The following AGL variants were observed in gnomAD, a reference collection of about 807,000 sequenced individuals.
The protein encoded by AGL is glycogen debranching enzyme.
A neutral mutation model predicts 199.3 loss-of-function variants in AGL; 128 were observed. That is an observed-to-expected ratio of 0.64 (90% CI 0.56 to 0.74). The LOEUF is 0.74. Among genes scored for constraint, AGL ranks in the 30% least tolerant of loss-of-function variants. The probability of loss-of-function intolerance (pLI) is 0.00; values close to 1 mark genes in which losing one functional copy is unlikely to be tolerated. For missense variants in AGL, 1,809 were observed against 1,820.8 expected (o/e 0.99, Z 0.12); for synonymous variants, 584 against 594.7 (o/e 0.98, Z 0.26).
chr1:99,894,048 C>G (rs1365489312), intron 24 of AGL, among the ~76,000 whole-genome samples: 1 of 151,778 alleles, frequency 6.6e-6, no homozygotes, highest in Non-Finnish European at 1.5e-5. Flanking sequence ...ATTAGCCAGG[C>G]ATGGTGGTAT....
At chr1:99,864,865 T>A (rs947618516) in intron 5 of AGL, among the ~76,000 whole-genome samples, 4 of 152,238 alleles carry the variant, frequency 2.6e-5, no homozygotes, top group African/African-American at 7.2e-5. Context: ...AACATAATGA[T>A]CACATATTTC....
At chr1:99,886,924 T>G (rs1442552995) in intron 20 of AGL, among the ~76,000 whole-genome samples, 2 of 152,208 alleles carry the variant, frequency 1.3e-5, no homozygotes, top group Non-Finnish European at 2.9e-5. Context: ...CTGCTCAGAT[T>G]ATTTTGGAGC....
chr1:99,867,136 G>A (rs1256916786), intron 5 of AGL, among the ~76,000 whole-genome samples: 1 of 152,112 alleles, frequency 6.6e-6, no homozygotes, highest in Non-Finnish European at 1.5e-5. Context: ...TTTTAAAAAA[G>A]TATTATCTAG....
intron 12 of AGL, among the ~76,000 whole-genome samples, chr1:99,878,550 C>G (rs1651755755): frequency 6.6e-6 from 1 of 151,934 alleles, no homozygotes. Context: ...CTAATACAAT[C>G]TTTGTAATTA....
chr1:99,857,210 G>A (rs1357104497), intron 2 of AGL, among the ~76,000 whole-genome samples: 3 of 152,054 alleles, frequency 2.0e-5, no homozygotes, highest in Non-Finnish European at 2.9e-5. Context: ...TCACATCCCA[G>A]ACGGGGCGGC....
rs372680858 is a variant in AGL at position 99,910,150 on chromosome 1, G to A, written c.3701-562G>A. 5.3e-5 allele frequency among the ~76,000 whole-genome samples: 8 copies of A among 152,106 alleles called. No homozygotes were observed. The East Asian group carries it at 1.2e-3, about 22-fold the overall frequency. The stretch of plus-strand genomic sequence containing the variant: ...GCAGTTTTGTTGCATGGATATATTG[G>A]GTAAGGGTGAAGTCTGGGCTTTTAG... On this transcript the variant is annotated intron_variant, in intron 27 of 33. Coordinates refer to ENST00000361915, the MANE Select transcript of AGL (RefSeq NM_000642.3).
intron 26 of AGL, 132 bp from the exon 27 acceptor site, chr1:99,902,551 G>A (rs1456966079): frequency 1.4e-6 from 1 of 718,530 alleles, no homozygotes; most frequent in African/African-American, 1.8e-5. Context: ...TTCTTCCCTG[G>A]CCTCACCCCA....
chr1:99,875,316 C>T (rs1356264506), intron 9 of AGL, 42 bp from the exon 10 acceptor site: 1 of 1,612,520 alleles, frequency 6.2e-7, no homozygotes, highest in East Asian at 2.2e-5. Flanking sequence ...TTTTTGTTGT[C>T]TTGAGGATGG....
At position 99,920,548 on chromosome 1, in the gene AGL, C is replaced by T. The variant is rs1039100461; in HGVS notation, c.4482-986C>T. Among the ~76,000 whole-genome samples, 5 of 152,162 alleles carry T rather than the reference C, an allele frequency of 3.3e-5. 1 individual carries two copies. Among genetic ancestry groups the T allele is most frequent in the Non-Finnish European group, 7.3e-5 (5 of 68,030 alleles). On this transcript the variant is annotated intron_variant, in intron 33 of 33. Transcript: ENST00000361915. Reference sequence around the variant, plus strand: ...CATTTGGCATTTTACTCTGATGTAGCTTGAATACTTGGAAACATACATTTT... The same window carrying T: ...CATTTGGCATTTTACTCTGATGTAGTTTGAATACTTGGAAACATACATTTT...
chr1:99,898,465 G>A (rs956941796), intron 25 of AGL, among the ~76,000 whole-genome samples: 4 of 152,068 alleles, frequency 2.6e-5, no homozygotes, highest in Non-Finnish European at 4.4e-5. Flanking sequence ...TTATAGAAAA[G>A]GTTTGCCTAC....
chr1:99,915,547 AC>A, intron 31 of AGL, 61 bp downstream of exon 31: 2 of 1,340,784 alleles, frequency 1.5e-6, no homozygotes, highest in Non-Finnish European at 2.1e-6. Context: ...ATTGACATCA[AC>A]CATAATTTTT....
chr1:99,919,326 A>T (rs1333778445), intron 33 of AGL, among the ~76,000 whole-genome samples: 1 of 152,184 alleles, frequency 6.6e-6, no homozygotes, highest in East Asian at 1.9e-4. Context: ...CAGTTGTATC[A>T]GACAGGAGGG....
At chr1:99,879,876 C>A in intron 12 of AGL, 47 bp from the exon 13 acceptor site, 1 of 1,524,848 alleles carries the variant, frequency 6.6e-7, no homozygotes, top group Non-Finnish European at 9.1e-7. Context: ...TTGCTTTTCT[C>A]TTTCTGTTAC....
chr1:99,857,863 A>AGGGGGAGGGGGGGG (rs1649694819), intron 2 of AGL, among the ~76,000 whole-genome samples: 1 of 42,828 alleles, frequency 2.3e-5, no homozygotes, highest in South Asian at 7.0e-4. Flanking sequence ...GAAGAGGGAG[A>AGGGGGAGGGGGGGG]GGGCTCTTTT....
chr1:99,860,651 G>A (rs1649957456), intron 2 of AGL, among the ~76,000 whole-genome samples: 1 of 152,180 alleles, frequency 6.6e-6, no homozygotes, highest in Non-Finnish European at 1.5e-5. Flanking sequence ...AAGTAGAAAT[G>A]CATTGGCTCT....
At chr1:99,861,902 A>G (rs532015925) in intron 3 of AGL, among the ~76,000 whole-genome samples, 189 bp downstream of exon 3, 2 of 152,330 alleles carry the variant, frequency 1.3e-5, no homozygotes, top group Admixed American at 6.5e-5. Context: ...TAAAGTATCA[A>G]GTAAATGTAT....
At chr1:99,859,692 A>G (rs1161715198) in intron 2 of AGL, among the ~76,000 whole-genome samples, 1 of 151,858 alleles carries the variant, frequency 6.6e-6, no homozygotes, top group Non-Finnish European at 1.5e-5. Flanking sequence ...TTACAGGTGC[A>G]CACCACCACA....
At chr1:99,869,229 T>A (rs1281787862) in intron 5 of AGL, among the ~76,000 whole-genome samples, 1 of 152,244 alleles carries the variant, frequency 6.6e-6, no homozygotes, top group Non-Finnish European at 1.5e-5. Context: ...TGTTGATGAA[T>A]CTCGGAGGAA....
At chr1:99,888,225 C>A in intron 21 of AGL, 117 bp downstream of exon 21, 2 of 1,295,030 alleles carry the variant, frequency 1.5e-6, no homozygotes, top group East Asian at 2.4e-5. Flanking sequence ...AATTATGGCT[C>A]TGCTTCTGCT....
Sources: allele counts gnomAD v4.1 joint callset (sites outside exome capture counted in the v4.1 genomes callset), GRCh38; gene constraint gnomAD v4.1.1; transcripts MANE v1.5; gene names NCBI Gene and HGNC (gene_info 2026-07-23, HGNC 2026-07-21).